KCNH8: variants seen among roughly 807,000 people sequenced by gnomAD.
KCNH8 encodes the protein voltage-gated delayed rectifier potassium channel KCNH8.
Under a neutral mutation model 103.6 loss-of-function variants are expected in KCNH8, and 70 were observed. The observed-to-expected ratio is 0.68, with a 90% CI of 0.56 to 0.82. KCNH8 has a LOEUF of 0.82. Ranked by LOEUF, KCNH8 falls within the 40% of genes least tolerant of loss-of-function variation. The pLI is 0.00. For missense variants in KCNH8, 1,217 were observed against 1,329.9 expected (o/e 0.92, Z 1.32); for synonymous variants, 498 against 489.4 (o/e 1.02, Z -0.23).
At chr3:19,435,114 A>T (rs1278681594) in intron 7 of KCNH8, among the ~76,000 whole-genome samples, 2 of 152,202 alleles carry the variant, frequency 1.3e-5, no homozygotes, top group African/African-American at 2.4e-5. Context: ...TAATCATTTC[A>T]TAACGTATAT....
At chr3:19,305,971 C>G (rs1328355262) in intron 3 of KCNH8, among the ~76,000 whole-genome samples, 1 of 151,886 alleles carries the variant, frequency 6.6e-6, no homozygotes, top group Non-Finnish European at 1.5e-5. Flanking sequence ...AAAAAAATGG[C>G]AACATAGGTA....
intron 7 of KCNH8, among the ~76,000 whole-genome samples, chr3:19,414,249 G>C (rs1427709181): frequency 6.6e-6 from 1 of 152,062 alleles, no homozygotes; most frequent in African/African-American, 2.4e-5. Flanking sequence ...AGAGTTTGGA[G>C]CAGGGAAAGG....
chr3:19,475,434 A>G (rs2067953039), intron 11 of KCNH8, among the ~76,000 whole-genome samples: 1 of 152,174 alleles, frequency 6.6e-6, no homozygotes, highest in African/African-American at 2.4e-5. Flanking sequence ...TGACTTTGTA[A>G]CCAGGTTGCC....
At chr3:19,467,908 C>T (rs928509911) in intron 11 of KCNH8, among the ~76,000 whole-genome samples, 2 of 152,056 alleles carry the variant, frequency 1.3e-5, no homozygotes, top group African/African-American at 4.8e-5. Context: ...GCAAACTGGC[C>T]TGCTTTCCCT....
At chr3:19,377,054 G>A (rs1574988947) in intron 5 of KCNH8, among the ~76,000 whole-genome samples, 1 of 152,310 alleles carries the variant, frequency 6.6e-6, no homozygotes, top group African/African-American at 2.4e-5. Context: ...TAGAACAAAT[G>A]TCTAGAATAC....
chr3:19,175,221 T>TA (rs2063385774), intron 1 of KCNH8, among the ~76,000 whole-genome samples: 1 of 121,792 alleles, frequency 8.2e-6, no homozygotes, highest in Admixed American at 8.1e-5. Context: ...TGTTTTGTAA[T>TA]TTTTTTTTTT....
At position 19,347,950 on chromosome 3, in the gene KCNH8, A is replaced by G. The variant is rs760291489; in HGVS notation, c.796A>G (p.Ile266Val). ...AACCGTCAGTGACATTGCAGTGGAG[A>G]TTCTTTTTATTATAGGTAAGAACAA... ...STTVSDIAVE[I>V]LFIIDIILNF... The change falls in exon 5 of 16, where the codon ATT becomes GTT. Residue 266 changes from isoleucine (I) to valine (V), a missense_variant. Coordinates refer to ENST00000328405, the MANE Select transcript of KCNH8 (RefSeq NM_144633.3). 2 of 1,612,782 alleles carry G rather than the reference A, an allele frequency of 1.2e-6. No homozygotes were observed. The highest frequency in any genetic ancestry group is 1.7e-6 in the Non-Finnish European group (2 of 1,179,204).
chr3:19,428,087 G>A (rs941166754), intron 7 of KCNH8, among the ~76,000 whole-genome samples: 1 of 152,158 alleles, frequency 6.6e-6, no homozygotes, highest in Non-Finnish European at 1.5e-5. Context: ...CCTAACAGAT[G>A]TCCACCCTTT....
intron 14 of KCNH8, among the ~76,000 whole-genome samples, chr3:19,516,244 T>C (rs1312503873): frequency 6.6e-6 from 1 of 152,066 alleles, no homozygotes; most frequent in Non-Finnish European, 1.5e-5. Flanking sequence ...AATCCCTTTA[T>C]GAACAAAGCC....
At chr3:19,210,176 A>G (rs1420341780) in intron 1 of KCNH8, among the ~76,000 whole-genome samples, 3 of 152,122 alleles carry the variant, frequency 2.0e-5, no homozygotes, top group Non-Finnish European at 4.4e-5. Context: ...ATTTATTTCT[A>G]GGAAACATTT....
chr3:19,375,574 A>G (rs1162930034), intron 5 of KCNH8, among the ~76,000 whole-genome samples: 3 of 149,372 alleles, frequency 2.0e-5, no homozygotes, highest in Non-Finnish European at 4.5e-5. Context: ...GCTCAGAGTA[A>G]TTTGATCGTC....
intron 2 of KCNH8, among the ~76,000 whole-genome samples, chr3:19,260,488 ATAT>A: frequency 1.6e-3 from 1 of 644 alleles, no homozygotes; most frequent in Admixed American, 0.02. Flanking sequence ...ACTCTATAGG[ATAT>A]ATATATATAT....
chr3:19,216,370 G>C (rs932182624), intron 1 of KCNH8, among the ~76,000 whole-genome samples: 2 of 152,210 alleles, frequency 1.3e-5, no homozygotes, highest in African/African-American at 4.8e-5. Flanking sequence ...TATTTTGCAG[G>C]TAACTTTGGA....
chr3:19,262,864 G>A (rs2064455221), intron 2 of KCNH8, among the ~76,000 whole-genome samples: 1 of 151,974 alleles, frequency 6.6e-6, no homozygotes, highest in Admixed American at 6.6e-5. Flanking sequence ...TGAGACCTGG[G>A]GAGAAAGGAA....
chr3:19,219,974 C>T (rs746345573), intron 1 of KCNH8, among the ~76,000 whole-genome samples: 10 of 152,146 alleles, frequency 6.6e-5, no homozygotes, highest in South Asian at 4.1e-4. Flanking sequence ...GGAGAGGACA[C>T]GGTTTAAAGG....
intron 3 of KCNH8, among the ~76,000 whole-genome samples, chr3:19,341,558 G>A (rs2065659856): frequency 6.6e-6 from 1 of 152,058 alleles, no homozygotes; most frequent in East Asian, 1.9e-4. Flanking sequence ...AACATTTTTG[G>A]TGGCACATAT....
intron 11 of KCNH8, among the ~76,000 whole-genome samples, chr3:19,481,464 T>A (rs942698628): frequency 1.3e-5 from 2 of 152,116 alleles, no homozygotes; most frequent in Non-Finnish European, 2.9e-5. Flanking sequence ...GTAAAGGATA[T>A]AAAAATTTTA....
intron 11 of KCNH8, among the ~76,000 whole-genome samples, chr3:19,493,028 A>G (rs2068360308): frequency 6.6e-6 from 1 of 152,062 alleles, no homozygotes; most frequent in African/African-American, 2.4e-5. Context: ...TTCAGCCTGG[A>G]CATTATTGGT....
intron 1 of KCNH8, among the ~76,000 whole-genome samples, chr3:19,156,642 C>A (rs2063183582): frequency 6.6e-6 from 1 of 151,958 alleles, no homozygotes; most frequent in African/African-American, 2.4e-5. Flanking sequence ...AAAGGAAATC[C>A]ATTTTCTTTG....
Sources: gnomAD v4.1 joint callset for allele counts (sites outside exome capture counted in the v4.1 genomes callset) on GRCh38, gnomAD v4.1.1 for gene constraint, MANE v1.5 for transcripts, NCBI Gene and HGNC (gene_info 2026-07-23, HGNC 2026-07-21) for gene names.